PVT1: variants seen among roughly 807,000 people sequenced by gnomAD.
PVT1 encodes the protein CXCR4/PVT1 fusion.
intron 2 of PVT1, among the ~76,000 whole-genome samples, chr8:127,882,845 G>A (rs1389529185): frequency 6.6e-6 from 1 of 152,094 alleles, no homozygotes; most frequent in Non-Finnish European, 1.5e-5. Flanking sequence ...CACTTAGCAT[G>A]TGAGACTGAT....
intron 3 of PVT1, among the ~76,000 whole-genome samples, chr8:127,978,174 T>G (rs1051785332): frequency 1.1e-4 from 17 of 152,020 alleles, no homozygotes; most frequent in East Asian, 3.9e-4. Flanking sequence ...TTTTAAGAGA[T>G]AGGGTCTTGC....
intron 3 of PVT1, among the ~76,000 whole-genome samples, chr8:127,969,623 G>T (rs1233724987): frequency 6.6e-6 from 1 of 152,160 alleles, no homozygotes; most frequent in Admixed American, 6.5e-5. Flanking sequence ...CCTCTTCACT[G>T]CCTCTTCCTG....
intron 3 of PVT1, among the ~76,000 whole-genome samples, chr8:127,914,260 CAAAAAAAAAAAAAAAAAAAAAAAAAAAAA>C (rs60359946): frequency 8.4e-5 from 4 of 47,842 alleles, no homozygotes; most frequent in Non-Finnish European, 1.8e-4. Flanking sequence ...CCACCAACAG[CAAAAAAAAAAAAAAAAAAAAAAAAAAAAA>C]AAAAAAAAAA....
intron 2 of PVT1, among the ~76,000 whole-genome samples, chr8:127,854,418 T>G (rs1319191439): frequency 6.6e-6 from 1 of 152,188 alleles, no homozygotes; most frequent in African/African-American, 2.4e-5. Flanking sequence ...AGCCCTGGAC[T>G]GGACAGTGAG....
At chr8:128,027,995 C>T (rs1813334047) in intron 4 of PVT1, among the ~76,000 whole-genome samples, 1 of 152,220 alleles carries the variant, frequency 6.6e-6, no homozygotes, top group South Asian at 2.1e-4. Flanking sequence ...GTGCCAAGTG[C>T]ACCTTGCATC....
intron 2 of PVT1, among the ~76,000 whole-genome samples, chr8:127,806,288 T>C (rs778710205): frequency 8.6e-5 from 13 of 151,968 alleles, no homozygotes; most frequent in Non-Finnish European, 1.5e-4. Context: ...TGGTAAAACC[T>C]CATTTCTACT....
At position 127,999,681 on chromosome 8, in the gene PVT1, C is replaced by A. The variant is rs1383113546; in HGVS notation, n.912+10390C>A. Among the ~76,000 whole-genome samples the A allele has an allele frequency of 3.9e-5, 6 of 152,314 alleles. No homozygotes were observed. The South Asian group carries it at 1.2e-3, about 32-fold the overall frequency. On this transcript the variant is annotated intron_variant and non_coding_transcript_variant, in intron 4 of 10. Transcript: ENST00000651587. ...TTCACCATGTTGGCCAGGCTGGTCT[C>A]GACCTCCTGACCTCAGGTGATCCAC...
chr8:127,957,448 C>T (rs1256821714), intron 3 of PVT1, among the ~76,000 whole-genome samples: 6 of 151,396 alleles, frequency 4.0e-5, no homozygotes, highest in Non-Finnish European at 7.4e-5. Flanking sequence ...AAGCCTGTAC[C>T]GTGCAGCTAC....
chr8:128,044,011 A>ATTTTTTTTTTTTTTTTTTTT (rs66807418), intron 4 of PVT1, among the ~76,000 whole-genome samples: 1 of 97,916 alleles, frequency 1.0e-5, no homozygotes, highest in East Asian at 2.9e-4. Context: ...ATTATTATTT[A>ATTTTTTTTTTTTTTTTTTTT]TTTATTTTTT....
chr8:127,804,265 T>C (rs1316675131), intron 2 of PVT1, among the ~76,000 whole-genome samples: 1 of 152,200 alleles, frequency 6.6e-6, no homozygotes, highest in Non-Finnish European at 1.5e-5. Context: ...GTTGGTAAAT[T>C]CATAAAAAAT....
At chr8:128,038,047 A>T (rs551406261) in intron 4 of PVT1, among the ~76,000 whole-genome samples, 1 of 152,316 alleles carries the variant, frequency 6.6e-6, no homozygotes, top group South Asian at 2.1e-4. Context: ...GGCTGAGTTG[A>T]TATAATTCTG....
intron 3 of PVT1, among the ~76,000 whole-genome samples, chr8:127,928,355 A>G (rs1563641980): frequency 6.6e-6 from 1 of 152,082 alleles, no homozygotes; most frequent in African/African-American, 2.4e-5. Flanking sequence ...TTGGCTGTGA[A>G]TTTCCACTTG....
chr8:128,058,235 A>G (rs548694352), intron 4 of PVT1, among the ~76,000 whole-genome samples: 1 of 152,306 alleles, frequency 6.6e-6, no homozygotes, highest in Non-Finnish European at 1.5e-5. Context: ...ATTCGACCTA[A>G]CCAATTAAAT....
chr8:127,805,098 T>A lies in PVT1; in HGVS notation n.372+9027T>A, dbSNP rs773777797. ...GGCGCTCACCACCACGCCCGGCTAATTTTGTGTTTTTAGTAGAGACGGGGT... is the reference window on the plus strand; with the variant it reads ...GGCGCTCACCACCACGCCCGGCTAAATTTGTGTTTTTAGTAGAGACGGGGT... On this transcript the variant is annotated intron_variant and non_coding_transcript_variant, in intron 2 of 10. Coordinates refer to ENST00000651587, the Ensembl canonical transcript of PVT1. Among the ~76,000 whole-genome samples the A allele has an allele frequency of 3.6e-4, 55 of 151,696 alleles. 1 individual carries two copies. The highest frequency in any genetic ancestry group is 1.6e-4 in the Non-Finnish European group (11 of 67,944).
At chr8:128,035,505 G>C (rs889243826) in intron 4 of PVT1, among the ~76,000 whole-genome samples, 3 of 152,196 alleles carry the variant, frequency 2.0e-5, no homozygotes, top group African/African-American at 7.2e-5. Context: ...ATTGAGCCTT[G>C]CTAGGTGCTG....
rs1439767449 is a variant in PVT1 at position 127,898,679 on chromosome 8, C to T, written n.782+7681C>T. On this transcript the variant is annotated intron_variant and non_coding_transcript_variant, in intron 3 of 10. Transcript: ENST00000651587. The surrounding 1 kb of genome is among the most constrained non-coding windows in gnomAD (Gnocchi z 4.4). Reference sequence around the variant, plus strand: ...AGTGGCCCTGGTGGCTCTCTTCCCTCTCACCTTCCCAGGAGGCAGATTATT... The same window carrying T: ...AGTGGCCCTGGTGGCTCTCTTCCCTTTCACCTTCCCAGGAGGCAGATTATT... 6.6e-6 allele frequency among the ~76,000 whole-genome samples: 1 copy of T among 152,236 alleles called. No homozygotes were observed. Among genetic ancestry groups the T allele is most frequent in the Admixed American group, 6.5e-5 (1 of 15,286 alleles).
intron 3 of PVT1, among the ~76,000 whole-genome samples, chr8:127,920,150 A>G (rs1355709066): frequency 6.6e-6 from 1 of 152,202 alleles, no homozygotes; most frequent in Non-Finnish European, 1.5e-5. Flanking sequence ...ATGCATGAAT[A>G]AACTCACTGC....
intron 5 of PVT1, among the ~76,000 whole-genome samples, chr8:128,096,276 T>C (rs1451633913): frequency 6.6e-6 from 1 of 152,220 alleles, no homozygotes; most frequent in Non-Finnish European, 1.5e-5. Flanking sequence ...AAAATGGCAA[T>C]GTTCACTATA....
chr8:127,949,342 T>C (rs1816465616), intron 3 of PVT1, among the ~76,000 whole-genome samples: 1 of 148,458 alleles, frequency 6.7e-6, no homozygotes, highest in Non-Finnish European at 1.5e-5. Context: ...AACCTCCCAT[T>C]TGCTGCATTG....
Sources: gnomAD v4.1 joint callset for allele counts (sites outside exome capture counted in the v4.1 genomes callset) on GRCh38, gnomAD v4.1.1 for gene constraint, Gnocchi (gnomAD v3.1) non-coding constraint, MANE v1.5 for transcripts, NCBI Gene and HGNC (gene_info 2026-07-23, HGNC 2026-07-21) for gene names.